The following EXT2 variants were observed in gnomAD, a reference collection of about 807,000 sequenced individuals.
EXT2 encodes the protein exostosin-2.
Under a neutral mutation model 81.6 loss-of-function variants are expected in EXT2, and 53 were observed. That is an observed-to-expected ratio of 0.65 (90% CI 0.52 to 0.82). EXT2 has a LOEUF of 0.82. EXT2 is among the 40% of genes least tolerant of loss of function. The pLI, the probability that EXT2 is intolerant of heterozygous loss-of-function variation, is 0.00. For missense variants in EXT2, 774 were observed against 910.2 expected (o/e 0.85, Z 1.93); for synonymous variants, 320 against 340.0 (o/e 0.94, Z 0.65).
chr11:44,232,253 T>C (rs1160418093), intron 10 of EXT2, 100 bp from the exon 11 acceptor site: 2 of 1,512,078 alleles, frequency 1.3e-6, no homozygotes, highest in Non-Finnish European at 1.8e-6. Context: ...GTTATGATGG[T>C]TTGAACCTAG....
At chr11:44,194,879 G>T (rs367698721) in intron 8 of EXT2, among the ~76,000 whole-genome samples, 14 of 152,234 alleles carry the variant, frequency 9.2e-5, no homozygotes, top group Non-Finnish European at 1.5e-4. Flanking sequence ...TAGGTGAGTG[G>T]GTTGGGGATA....
At chr11:44,216,575 A>C (rs1955722356) in intron 10 of EXT2, among the ~76,000 whole-genome samples, 1 of 152,160 alleles carries the variant, frequency 6.6e-6, no homozygotes. Flanking sequence ...GCCTGTACTG[A>C]GGAATAACGT....
intron 7 of EXT2, among the ~76,000 whole-genome samples, chr11:44,143,012 C>T (rs1024297351): frequency 3.9e-5 from 6 of 152,180 alleles, no homozygotes; most frequent in South Asian, 2.1e-4. Context: ...AGTGCAGTGG[C>T]GCAATCTGGG....
At chr11:44,168,101 T>G (rs1472379960) in intron 7 of EXT2, among the ~76,000 whole-genome samples, 1 of 152,076 alleles carries the variant, frequency 6.6e-6, no homozygotes, top group Non-Finnish European at 1.5e-5. Flanking sequence ...GATAGTTTAC[T>G]GAGAATGATG....
At chr11:44,148,960 T>C (rs1182847789) in intron 7 of EXT2, among the ~76,000 whole-genome samples, 1 of 152,190 alleles carries the variant, frequency 6.6e-6, no homozygotes, top group African/African-American at 2.4e-5. Context: ...GAAATTCCTG[T>C]GTTGAAGATT....
At chr11:44,238,330 G>A (rs764964798) in intron 13 of EXT2, among the ~76,000 whole-genome samples, 4 of 152,080 alleles carry the variant, frequency 2.6e-5, no homozygotes, top group Admixed American at 6.5e-5. Flanking sequence ...CTACAGGTGC[G>A]TGCCACCACG....
intron 7 of EXT2, among the ~76,000 whole-genome samples, chr11:44,163,920 C>T (rs1340892273): frequency 6.6e-6 from 1 of 152,156 alleles, no homozygotes; most frequent in Non-Finnish European, 1.5e-5. Context: ...CCTTTAAATA[C>T]ATCTGCTGCC....
At chr11:44,096,376 T>C in intron 1 of EXT2, 1 of 1,487,160 alleles carries the variant, frequency 6.7e-7, no homozygotes, top group Non-Finnish European at 9.0e-7. Context: ...CGGGGGCGTG[T>C]TAGGCCGGGG....
chr11:44,241,823 AC>A (rs1355035510), intron 13 of EXT2, among the ~76,000 whole-genome samples: 1 of 152,112 alleles, frequency 6.6e-6, no homozygotes, highest in Non-Finnish European at 1.5e-5. Flanking sequence ...GTCTCCCCTA[AC>A]CTGCTCTCCA....
At chr11:44,151,938 T>C (rs978995820) in intron 7 of EXT2, among the ~76,000 whole-genome samples, 2 of 152,246 alleles carry the variant, frequency 1.3e-5, no homozygotes, top group African/African-American at 4.8e-5. Flanking sequence ...ATCTTATTGC[T>C]GTTTTAATTT....
intron 13 of EXT2, among the ~76,000 whole-genome samples, chr11:44,241,306 G>A (rs1377301687): frequency 2.0e-4 from 31 of 152,162 alleles, no homozygotes; most frequent in Admixed American, 2.0e-3. Context: ...TTTTGAATTA[G>A]GCTAATCTTT....
In EXT2 at chr11:44,107,999, G is replaced by A. The variant is rs920725366; in HGVS notation, c.287G>A (p.Cys96Tyr). Residue 96 changes from cysteine (C) to tyrosine (Y), a missense_variant, in exon 2 of 14, where the codon TGT becomes TAT. Transcript: ENST00000533608. ...RMHTCFDVYRCGFNPKNKIKV... is the reference protein window; with the variant it reads ...RMHTCFDVYRYGFNPKNKIKV... ...CACACGTGTTTTGATGTCTATCGCT[G>A]TGGCTTCAACCCAAAGAACAAAATC... The A allele has an allele frequency of 1.2e-6, 2 of 1,614,040 alleles. No homozygotes were observed. Among genetic ancestry groups the A allele is most frequent in the Non-Finnish European group, 1.7e-6 (2 of 1,180,034 alleles).
chr11:44,216,599 C>T (rs988116743), intron 10 of EXT2, among the ~76,000 whole-genome samples: 1 of 152,130 alleles, frequency 6.6e-6, no homozygotes. Flanking sequence ...GATTCAAGCC[C>T]TAGACTTCCA....
intron 10 of EXT2, among the ~76,000 whole-genome samples, chr11:44,217,565 A>G (rs1467801408): frequency 1.3e-5 from 2 of 152,194 alleles, no homozygotes; most frequent in African/African-American, 4.8e-5. Flanking sequence ...TCAGCCTGGG[A>G]TAATTTATTT....
At chr11:44,099,757 G>A (rs1184174232) in intron 1 of EXT2, among the ~76,000 whole-genome samples, 1 of 152,232 alleles carries the variant, frequency 6.6e-6, no homozygotes, top group Non-Finnish European at 1.5e-5. Context: ...TGTGGCAAGT[G>A]CTAGAATGCA....
chr11:44,170,847 CA>C, intron 7 of EXT2, among the ~76,000 whole-genome samples: 1 of 143,820 alleles, frequency 7.0e-6, no homozygotes. Context: ...CACACACACA[CA>C]CACACACACC....
intron 7 of EXT2, among the ~76,000 whole-genome samples, chr11:44,130,929 G>A (rs1424049921): frequency 6.6e-6 from 1 of 152,246 alleles, no homozygotes; most frequent in African/African-American, 2.4e-5. Flanking sequence ...TCAGCCTCAG[G>A]CAGAGAGCCT....
intron 1 of EXT2, chr11:44,096,396 C>G (rs2134933709): frequency 1.4e-6 from 2 of 1,416,480 alleles, no homozygotes; most frequent in South Asian, 2.5e-5. Flanking sequence ...GACTGGGTGA[C>G]CGGGAACTAG....
Position 44,247,946 on chromosome 11 carries a change from T to C in EXT2, c.*3659T>C, listed in dbSNP as rs74497673. Among the ~76,000 whole-genome samples, 11 of 152,308 alleles carry C rather than the reference T, an allele frequency of 7.2e-5. No homozygotes were observed. Among genetic ancestry groups the C allele is most frequent in the Middle Eastern group, 3.4e-3 (1 of 294 alleles). On this transcript the variant is annotated 3_prime_UTR_variant, in exon 14 of 14. Coordinates refer to ENST00000533608, the MANE Select transcript of EXT2 (RefSeq NM_207122.2). ...AACCTTTGATAGTTTTCAGCCAAGA[T>C]AGTAATCAGAAAGTAGATGAAGCAG...
Sources: allele counts gnomAD v4.1 joint callset (sites outside exome capture counted in the v4.1 genomes callset), GRCh38; gene constraint gnomAD v4.1.1; transcripts MANE v1.5; gene names NCBI Gene and HGNC (gene_info 2026-07-23, HGNC 2026-07-21).